The following MECOM variants were observed in gnomAD, a reference collection of about 807,000 sequenced individuals.
The protein encoded by MECOM is MDS1 and EVI1 complex locus.
In MECOM, 13 loss-of-function variants were observed where a neutral mutation model predicts 116.3. That is an observed-to-expected ratio of 0.11 (90% CI 0.07 to 0.18). The LOEUF (loss-of-function observed/expected upper bound fraction) is 0.18, where lower values mean the gene tolerates loss of function less well. MECOM is among the 10% of genes least tolerant of loss of function. The pLI is 1.00. For missense variants in MECOM, 1,299 were observed against 1,509.0 expected, an observed-to-expected ratio of 0.86 and a Z score of 2.31; for synonymous variants, 528 against 535.2, an observed-to-expected ratio of 0.99 and a Z score of 0.19.
At chr3:169,411,452 C>T (rs548876613) in intron 1 of MECOM, among the ~76,000 whole-genome samples, 89 of 152,302 alleles carry the variant, frequency 5.8e-4, no homozygotes, top group Non-Finnish European at 6.3e-4. Context: ...ACTCAGCTTG[C>T]AGGTTAAAAC....
chr3:169,136,672 A>C (rs1470730250), intron 3 of MECOM, among the ~76,000 whole-genome samples: 1 of 152,080 alleles, frequency 6.6e-6, no homozygotes, highest in African/African-American at 2.4e-5. Context: ...GGTCTTGTTC[A>C]TTATACTAGA....
chr3:169,585,496 A>C (rs1490967522), intron 1 of MECOM, among the ~76,000 whole-genome samples: 1 of 152,128 alleles, frequency 6.6e-6, no homozygotes, highest in Non-Finnish European at 1.5e-5. Context: ...TGAAGGCAAG[A>C]GATGTATATT....
chr3:169,285,070 A>G (rs1712989005), intron 2 of MECOM, among the ~76,000 whole-genome samples: 1 of 152,180 alleles, frequency 6.6e-6, no homozygotes, highest in Admixed American at 6.5e-5. Flanking sequence ...AGATGTGTGT[A>G]AAGTTATAAA....
chr3:169,342,077 T>C (rs1485470954), intron 2 of MECOM, among the ~76,000 whole-genome samples: 1 of 152,132 alleles, frequency 6.6e-6, no homozygotes, highest in Non-Finnish European at 1.5e-5. Flanking sequence ...GGTATAAGTA[T>C]GTTCTGTATA....
At chr3:169,580,636 G>C (rs143268209) in intron 1 of MECOM, among the ~76,000 whole-genome samples, 10 of 152,252 alleles carry the variant, frequency 6.6e-5, no homozygotes, top group African/African-American at 2.4e-4. Flanking sequence ...GCAGCTCATG[G>C]AGGCTGGGAG....
chr3:169,231,865 C>T (rs947513486), intron 2 of MECOM, among the ~76,000 whole-genome samples: 1 of 152,098 alleles, frequency 6.6e-6, no homozygotes, highest in African/African-American at 2.4e-5. Context: ...AATGTATCTA[C>T]AGATCCTATA....
At chr3:169,483,361 C>T (rs553132359) in intron 1 of MECOM, among the ~76,000 whole-genome samples, 2 of 150,888 alleles carry the variant, frequency 1.3e-5, no homozygotes, top group East Asian at 3.9e-4. Context: ...GACAGTCACA[C>T]TTTTTAAAAT....
intron 1 of MECOM, among the ~76,000 whole-genome samples, chr3:169,445,399 G>T (rs1167402522): frequency 6.6e-6 from 1 of 152,220 alleles, no homozygotes; most frequent in Non-Finnish European, 1.5e-5. Flanking sequence ...TCAGAGGGTG[G>T]AAGCCCCAAA....
intron 2 of MECOM, among the ~76,000 whole-genome samples, chr3:169,378,470 C>CGAGCGAGAAAGA: frequency 3.0e-5 from 1 of 32,826 alleles, no homozygotes; most frequent in Non-Finnish European, 5.1e-5. Context: ...AGCAAGCAAG[C>CGAGCGAGAAAGA]AAGCAAGAAA....
intron 2 of MECOM, among the ~76,000 whole-genome samples, chr3:169,278,385 C>A (rs1462457277): frequency 6.6e-6 from 1 of 152,180 alleles, no homozygotes; most frequent in Non-Finnish European, 1.5e-5. Flanking sequence ...ATGCCTTTAA[C>A]TGGGATCAAT....
At chr3:169,479,528 C>T (rs1241062625) in intron 1 of MECOM, among the ~76,000 whole-genome samples, 1 of 151,910 alleles carries the variant, frequency 6.6e-6, no homozygotes. Flanking sequence ...AGATTACGGC[C>T]TTCACATGCC....
chr3:169,160,997 T>C (rs909031872), intron 2 of MECOM, among the ~76,000 whole-genome samples: 2 of 152,174 alleles, frequency 1.3e-5, no homozygotes, highest in African/African-American at 4.8e-5. Flanking sequence ...TTCTGCTGGC[T>C]GGGAGTTTAT....
At chr3:169,117,048 A>T (rs1343211764) in intron 7 of MECOM, among the ~76,000 whole-genome samples, 1 of 152,208 alleles carries the variant, frequency 6.6e-6, no homozygotes, top group African/African-American at 2.4e-5. Flanking sequence ...GTTAAATTCC[A>T]TCATGCATTG....
At chr3:169,283,237 T>C (rs1309712563) in intron 2 of MECOM, among the ~76,000 whole-genome samples, 1 of 152,122 alleles carries the variant, frequency 6.6e-6, no homozygotes, top group Non-Finnish European at 1.5e-5. Flanking sequence ...GCATGGTGGC[T>C]CATGCCTGTA....
At chr3:169,138,448 G>A (rs1225442496) in intron 3 of MECOM, among the ~76,000 whole-genome samples, 3 of 152,128 alleles carry the variant, frequency 2.0e-5, no homozygotes, top group Non-Finnish European at 4.4e-5. Flanking sequence ...ATGTTTGAAA[G>A]AGTTTCATCT....
At chr3:169,491,966 A>T (rs188263759) in intron 1 of MECOM, among the ~76,000 whole-genome samples, 1 of 152,368 alleles carries the variant, frequency 6.6e-6, no homozygotes, top group East Asian at 1.9e-4. Flanking sequence ...TCAATAAAAC[A>T]GGCACAGACC....
At position 169,407,511 on chromosome 3, in the gene MECOM, CT is replaced by C. The variant is rs553236591; in HGVS notation, c.38-25988del. Among the ~76,000 whole-genome samples, 746 of 152,276 alleles carry C rather than the reference CT, an allele frequency of 4.9e-3. 5 individuals are homozygous for C. The highest frequency in any genetic ancestry group is 8.2e-3 in the Non-Finnish European group (557 of 68,022). On this transcript the variant is annotated intron_variant, in intron 1 of 16. Coordinates refer to ENST00000651503, the MANE Select transcript of MECOM (RefSeq NM_004991.4). ...CATTTGTTATTATTTCAATCAACTT[CT>C]AAGTGGGACCTGTAAGGAAAGTAAA...
At chr3:169,220,836 C>A (rs979560906) in intron 2 of MECOM, among the ~76,000 whole-genome samples, 5 of 152,016 alleles carry the variant, frequency 3.3e-5, no homozygotes, top group African/African-American at 1.2e-4. Context: ...AGAGAAAGAC[C>A]ATAAGGGCAG....
intron 4 of MECOM, among the ~76,000 whole-genome samples, chr3:169,129,556 A>T (rs1359688730): frequency 6.6e-6 from 1 of 152,082 alleles, no homozygotes; most frequent in Non-Finnish European, 1.5e-5. Flanking sequence ...GGGTCGAGAG[A>T]GGGAAGTGTT....
Sources: allele counts gnomAD v4.1 joint callset (sites outside exome capture counted in the v4.1 genomes callset), GRCh38; gene constraint gnomAD v4.1.1; transcripts MANE v1.5; gene names NCBI Gene and HGNC (gene_info 2026-07-23, HGNC 2026-07-21).